Variants in CACNB2 observed in about 807,000 individuals in gnomAD.
CACNB2 encodes calcium voltage-gated channel auxiliary subunit beta 2.
CACNB2 carries 42 observed loss-of-function variants against 73.3 expected under a neutral mutation model. The ratio of observed to expected loss-of-function variants is 0.57; its 90% CI spans 0.45 to 0.74. The LOEUF is 0.74. Among genes scored for constraint, CACNB2 ranks in the 30% least tolerant of loss-of-function variants. The pLI is 0.00. For synonymous variants in CACNB2, 348 were observed against 310.3 expected, an observed-to-expected ratio of 1.12 and a Z score of -1.28; for missense variants, 940 against 853.0, an observed-to-expected ratio of 1.10 and a Z score of -1.27.
At chr10:18,293,872 T>C (rs1010057505) in intron 2 of CACNB2, among the ~76,000 whole-genome samples, 1 of 152,182 alleles carries the variant, frequency 6.6e-6, no homozygotes, top group African/African-American at 2.4e-5. Flanking sequence ...CTTTAGGGCA[T>C]AGAGAGAGAG....
chr10:18,338,253 C>T (rs1231417596), intron 2 of CACNB2, among the ~76,000 whole-genome samples: 1 of 152,134 alleles, frequency 6.6e-6, no homozygotes, highest in Admixed American at 6.5e-5. Context: ...TATGAAGGAC[C>T]TGAATGGACA....
chr10:18,436,775 C>G (rs1464835295), intron 3 of CACNB2, among the ~76,000 whole-genome samples: 1 of 152,104 alleles, frequency 6.6e-6, no homozygotes, highest in East Asian at 1.9e-4. Flanking sequence ...TCCATATGCA[C>G]TTAGAGAATA....
At chr10:18,148,387 T>C (rs2031204416) in intron 1 of CACNB2, among the ~76,000 whole-genome samples, 1 of 152,232 alleles carries the variant, frequency 6.6e-6, no homozygotes, top group South Asian at 2.1e-4. Context: ...AAAACTGTAA[T>C]AATTTCATTA....
intron 2 of CACNB2, among the ~76,000 whole-genome samples, chr10:18,381,865 T>C (rs1184756040): frequency 4.6e-5 from 7 of 151,984 alleles, no homozygotes; most frequent in African/African-American, 1.7e-4. Flanking sequence ...ATGATGTGGC[T>C]CACCCAGAGC....
In CACNB2 at chr10:18,518,715, A is replaced by G. The variant is rs12356533; in HGVS notation, c.886-195A>G. Among the ~76,000 whole-genome samples, 8,133 of 152,306 alleles carry G rather than the reference A, an allele frequency of 0.053. 290 individuals carry two copies. Among genetic ancestry groups the G allele is most frequent in the Non-Finnish European group, 0.078 (5,313 of 68,018 alleles). ...CCACTTGCAATGTTATTTGTCACTA[A>G]AACATCATGATAAGTTCAGTTTAAT... is the stretch of plus-strand genomic sequence containing the variant. On this transcript the variant is annotated intron_variant, in intron 8 of 13. Transcript: ENST00000324631.
chr10:18,494,722 C>T (rs2049682382), intron 3 of CACNB2, among the ~76,000 whole-genome samples: 1 of 148,292 alleles, frequency 6.7e-6, no homozygotes, highest in Admixed American at 6.7e-5. Flanking sequence ...TGGATCTATA[C>T]TTTTGTGATC....
At chr10:18,459,026 A>G (rs2047428551) in intron 3 of CACNB2, among the ~76,000 whole-genome samples, 1 of 152,106 alleles carries the variant, frequency 6.6e-6, no homozygotes, top group Admixed American at 6.6e-5. Flanking sequence ...CGGCCTCCCA[A>G]AGTGCTGGGA....
chr10:18,394,626 G>A (rs190625690), intron 2 of CACNB2, among the ~76,000 whole-genome samples: 200 of 152,224 alleles, frequency 1.3e-3, no homozygotes, highest in South Asian at 8.9e-3. Flanking sequence ...CCCCTGCTTC[G>A]TGGCCTTGCT....
At chr10:18,186,505 T>A (rs1376978499) in intron 2 of CACNB2, among the ~76,000 whole-genome samples, 1 of 151,996 alleles carries the variant, frequency 6.6e-6, no homozygotes, top group Non-Finnish European at 1.5e-5. Flanking sequence ...CCACAGGCTG[T>A]ACAGGAAGCA....
At chr10:18,168,992 G>A (rs2033053217) in intron 2 of CACNB2, among the ~76,000 whole-genome samples, 1 of 152,008 alleles carries the variant, frequency 6.6e-6, no homozygotes, top group African/African-American at 2.4e-5. Context: ...GTTTTCTTCT[G>A]TTTAGTTCAT....
intron 2 of CACNB2, among the ~76,000 whole-genome samples, chr10:18,220,166 C>G (rs1221103308): frequency 6.3e-5 from 5 of 79,088 alleles, no homozygotes; most frequent in African/African-American, 3.3e-4. Flanking sequence ...CACACACACA[C>G]ACACACATAC....
chr10:18,326,680 C>T (rs544612097), intron 2 of CACNB2, among the ~76,000 whole-genome samples: 2 of 152,278 alleles, frequency 1.3e-5, no homozygotes, highest in East Asian at 1.9e-4. Context: ...ACCACATGAA[C>T]CTCTTCAAAA....
chr10:18,453,997 A>C (rs1207444685), intron 3 of CACNB2, among the ~76,000 whole-genome samples: 4 of 152,068 alleles, frequency 2.6e-5, no homozygotes. Context: ...TTTGTGTTTC[A>C]CTTGTTTCTG....
intron 2 of CACNB2, among the ~76,000 whole-genome samples, chr10:18,216,994 A>T (rs1011088181): frequency 6.6e-6 from 1 of 152,210 alleles, no homozygotes; most frequent in Non-Finnish European, 1.5e-5. Context: ...CCTTTCTAGG[A>T]TATAAATAGA....
At chr10:18,358,290 G>A (rs1316797159) in intron 2 of CACNB2, among the ~76,000 whole-genome samples, 1 of 152,134 alleles carries the variant, frequency 6.6e-6, no homozygotes, top group Non-Finnish European at 1.5e-5. Flanking sequence ...TTTTCACCAT[G>A]TTGGCCAGGC....
intron 2 of CACNB2, among the ~76,000 whole-genome samples, chr10:18,223,561 TAAAAC>T (rs2131406179): frequency 6.6e-6 from 1 of 152,274 alleles, no homozygotes; most frequent in South Asian, 2.1e-4. Flanking sequence ...GAAAAGCACA[TAAAAC>T]AGAATGCTCC....
intron 2 of CACNB2, among the ~76,000 whole-genome samples, chr10:18,274,559 C>A (rs115696326): frequency 5.9e-5 from 9 of 152,230 alleles, no homozygotes; most frequent in East Asian, 1.9e-4. Flanking sequence ...CTCTATGTCA[C>A]GACCTCTCTT....
chr10:18,470,213 A>G (rs1406577826), intron 3 of CACNB2, among the ~76,000 whole-genome samples: 1 of 151,400 alleles, frequency 6.6e-6, no homozygotes, highest in Non-Finnish European at 1.5e-5. Flanking sequence ...AGGGCCAGGC[A>G]TGGTGCCTCA....
chr10:18,228,451 A>AAAG (rs2036097441), intron 2 of CACNB2, among the ~76,000 whole-genome samples: 2 of 95,474 alleles, frequency 2.1e-5, no homozygotes, highest in African/African-American at 3.4e-5. Context: ...AAAAAAAAAG[A>AAAG]AAAAAAAAAA....
Sources: allele counts gnomAD v4.1 joint callset (sites outside exome capture counted in the v4.1 genomes callset), GRCh38; gene constraint gnomAD v4.1.1; transcripts MANE v1.5; gene names NCBI Gene and HGNC (gene_info 2026-07-23, HGNC 2026-07-21).